Variants in EPHA8 observed in about 807,000 individuals in gnomAD.
The protein encoded by EPHA8 is ephrin type-A receptor 8.
A neutral mutation model predicts 103.6 loss-of-function variants in EPHA8; 58 were observed. The ratio of observed to expected loss-of-function variants is 0.56; its 90% CI spans 0.45 to 0.70. The LOEUF (loss-of-function observed/expected upper bound fraction) is 0.70, where lower values mean the gene tolerates loss of function less well. EPHA8 is among the 30% of genes least tolerant of loss of function. EPHA8 has a pLI of 0.00. For missense variants in EPHA8, 1,304 were observed against 1,395.2 expected, an observed-to-expected ratio of 0.93 and a Z score of 1.04; for synonymous variants, 559 against 572.5, an observed-to-expected ratio of 0.98 and a Z score of 0.34.
In EPHA8 at chr1:22,589,934, G is replaced by A. The variant is rs539295364; in HGVS notation, c.1315+728G>A. Among the ~76,000 whole-genome samples, 6 of 152,164 alleles carry A rather than the reference G, an allele frequency of 3.9e-5. No individual in the cohort carries two copies. Among genetic ancestry groups the A allele is most frequent in the South Asian group, 2.1e-4 (1 of 4,816 alleles). On this transcript the variant is annotated intron_variant, in intron 5 of 16. Coordinates refer to ENST00000166244, the MANE Select transcript of EPHA8 (RefSeq NM_020526.5). This position sits in a 1 kb window ranked among gnomAD's most constrained non-coding sequence, Gnocchi z 4.3. ...GCCTCGCAGACAATATGCCCACCAC[G>A]TCACAGAGGAAGAAACTGAGGCCTG...
chr1:22,589,379 G>A lies in EPHA8; in HGVS notation c.1315+173G>A. On this transcript the variant is annotated intron_variant, in intron 5 of 16. Coordinates refer to ENST00000166244, the MANE Select transcript of EPHA8 (RefSeq NM_020526.5). This position sits in a 1 kb window ranked among gnomAD's most constrained non-coding sequence, Gnocchi z 4.3. ...AGCTGGAGGCTCTTCATTGCCTTTAGAAAAGTGGAACACATTCTATAAGTA... is the reference window on the plus strand; with the variant it reads ...AGCTGGAGGCTCTTCATTGCCTTTAAAAAAGTGGAACACATTCTATAAGTA... 1 of 1,544,144 alleles carries A rather than the reference G, an allele frequency of 6.5e-7. No homozygotes were observed. The highest frequency in any genetic ancestry group is 8.7e-7 in the Non-Finnish European group (1 of 1,150,352).
At chr1:22,577,808 G>C (rs1440872209) in intron 3 of EPHA8, among the ~76,000 whole-genome samples, 1 of 147,554 alleles carries the variant, frequency 6.8e-6, no homozygotes, top group African/African-American at 2.5e-5. Flanking sequence ...GTAAGTGTAT[G>C]TGTGCATGTG....
intron 3 of EPHA8, among the ~76,000 whole-genome samples, chr1:22,578,505 C>T (rs1377885459): frequency 1.6e-5 from 2 of 122,434 alleles, no homozygotes; most frequent in Non-Finnish European, 3.4e-5. Flanking sequence ...TGCATGAGTG[C>T]ATTAGTGTAT....
chr1:22,600,849 C>A (rs773354403), intron 14 of EPHA8, 39 bp downstream of exon 14: 23 of 1,588,540 alleles, frequency 1.4e-5, no homozygotes, highest in Non-Finnish European at 2.0e-5. Context: ...GGCGGTGGAG[C>A]CTCAGGGTGC....
chr1:22,586,401 T>C, intron 3 of EPHA8, 79 bp from the exon 4 acceptor site: 1 of 1,524,406 alleles, frequency 6.6e-7, no homozygotes, highest in Non-Finnish European at 8.9e-7. Flanking sequence ...CAGGAAGCTG[T>C]GGGCCACAGT....
At position 22,570,229 on chromosome 1, in the gene EPHA8, T is replaced by C. The variant is rs145891731; in HGVS notation, c.159+876T>C. 1.1e-3 allele frequency among the ~76,000 whole-genome samples: 163 copies of C among 152,270 alleles called. 3 individuals carry two copies. In the East Asian group the frequency reaches 0.026, roughly 24 times the overall value. On this transcript the variant is annotated intron_variant, in intron 2 of 16. Transcript: ENST00000166244. ...TCACATGAACTTCCTCTCACCAGCG[T>C]GCTCAGAAACACACACATGCACACA... is the stretch of plus-strand genomic sequence containing the variant.
chr1:22,597,911 G>C lies in EPHA8; in HGVS notation c.2116+50G>C, dbSNP rs766484916. The stretch of plus-strand genomic sequence containing the variant: ...CCCCCTGCAGTGCCCCTCCTGCCTG[G>C]AGAGGCCTCTGGGTCCATCCCCTCA... On this transcript the variant is annotated intron_variant, in intron 11 of 16. Coordinates refer to ENST00000166244, the MANE Select transcript of EPHA8 (RefSeq NM_020526.5). This position sits in a 1 kb window ranked among gnomAD's most constrained non-coding sequence, Gnocchi z 4.6. 135 of 1,579,484 alleles carry C rather than the reference G, an allele frequency of 8.5e-5. No homozygotes were observed. Among genetic ancestry groups the C allele is most frequent in the Non-Finnish European group, 1.1e-4 (133 of 1,161,116 alleles).
At position 22,588,911 on chromosome 1, in the gene EPHA8, T is replaced by C; in HGVS notation, c.1020T>C (p.Asn340=). The change falls in exon 5 of 17, where the codon AAT becomes AAC. Residue 340 remains asparagine, a synonymous_variant. Transcript: ENST00000166244. The stretch of plus-strand genomic sequence containing the variant: ...CAGTGAACCTGATCTCCAGTGTGAA[T>C]GGGACATCAGTGACTCTGGAGTGGG... The part of the protein sequence containing the change: ...SAPVNLISSV[N]GTSVTLEWAP... The C allele has an allele frequency of 6.2e-7, 1 of 1,605,920 alleles. No homozygotes were observed. The highest frequency in any genetic ancestry group is 8.5e-7 in the Non-Finnish European group (1 of 1,178,160).
rs761932406 is a variant in EPHA8, at chr1:22,593,445, G to A, written c.1435G>A (p.Glu479Lys). Reference protein sequence around the residue: ...IILEYEIKYYEKDKEMQSYST... With the variant: ...IILEYEIKYYKKDKEMQSYST... ...CCTGGAGTATGAGATCAAGTACTACGAGAAGGTACCACGGGCAGGACGGAG... is the reference window on the plus strand; with the variant it reads ...CCTGGAGTATGAGATCAAGTACTACAAGAAGGTACCACGGGCAGGACGGAG... The change falls in exon 6 of 17, where the codon GAG (glutamate) becomes AAG (lysine). Residue 479 changes from glutamate (E) to lysine (K), a missense_variant. Coordinates refer to ENST00000166244, the MANE Select transcript of EPHA8 (RefSeq NM_020526.5). 3.7e-6 allele frequency: 6 copies of A among 1,611,016 alleles called. No homozygotes were observed. The East Asian group carries it at 6.7e-5, about 18-fold the overall frequency.
rs7550674 is a variant in EPHA8, at chr1:22,577,299, G to A, written c.823+419G>A. ...TCCTGGCCACTACACTATGACGTAG[G>A]AACTACTGTTATCCTGGTTTTATAG... On this transcript the variant is annotated intron_variant, in intron 3 of 16. Coordinates refer to ENST00000166244, the MANE Select transcript of EPHA8 (RefSeq NM_020526.5). Among the ~76,000 whole-genome samples, 1,175 of 152,278 alleles carry A rather than the reference G, an allele frequency of 7.7e-3. 11 individuals carry two copies. Among genetic ancestry groups the A allele is most frequent in the African/African-American group, 0.026 (1,081 of 41,550 alleles).
chr1:22,576,997 C>T lies in EPHA8; in HGVS notation c.823+117C>T. 1.7e-6 allele frequency: 2 copies of T among 1,204,432 alleles called. No homozygotes were observed. Among genetic ancestry groups the T allele is most frequent in the Non-Finnish European group, 2.3e-6 (2 of 888,582 alleles). 74.6% of individuals were successfully genotyped at this position (1,204,432 alleles called of 1,614,324 possible). On this transcript the variant is annotated intron_variant, in intron 3 of 16. Coordinates refer to ENST00000166244, the MANE Select transcript of EPHA8 (RefSeq NM_020526.5). This position sits in a 1 kb window ranked among gnomAD's most constrained non-coding sequence, Gnocchi z 4.8. ...ACAGGCACCTGAGTGACCCACACAG[C>T]CCCTGGGAAGATGGATAAACCTCCA...
At position 22,600,962 on chromosome 1, in the gene EPHA8, A is replaced by T; in HGVS notation, c.2603A>T (p.His868Leu). 1.9e-6 allele frequency: 3 copies of T among 1,612,984 alleles called. No homozygotes were observed. Among genetic ancestry groups the T allele is most frequent in the Non-Finnish European group, 1.7e-6 (2 of 1,179,820 alleles). ...CCCATGGGCTGCCCCCACGCCCTGCACCAGCTCATGCTCGACTGTTGGCAC... is the reference window on the plus strand; with the variant it reads ...CCCATGGGCTGCCCCCACGCCCTGCTCCAGCTCATGCTCGACTGTTGGCAC... ...PAPMGCPHALHQLMLDCWHKD... is the reference protein window; with the variant it reads ...PAPMGCPHALLQLMLDCWHKD... Residue 868 changes from histidine to leucine, a missense_variant, in exon 15 of 17, where the codon CAC becomes CTC. Physicochemically the swap from His to Leu is moderately conservative, Grantham distance 99 (BLOSUM62 -3). Coordinates refer to ENST00000166244, the MANE Select transcript of EPHA8 (RefSeq NM_020526.5).
chr1:22,593,319 G>A lies in EPHA8; in HGVS notation c.1316-7G>A, dbSNP rs372569890. ...CTCCGCCCATCTGACGGGATTGGCC[G>A]CCCCAGCCCCGTCCCAGGTGGTGGT... On this transcript the variant is annotated splice_polypyrimidine_tract_variant and splice_region_variant and intron_variant, in intron 5 of 16. Coordinates refer to ENST00000166244, the MANE Select transcript of EPHA8 (RefSeq NM_020526.5). 49 of 1,555,814 alleles carry A rather than the reference G, an allele frequency of 3.1e-5. No homozygotes were observed. The highest frequency in any genetic ancestry group is 3.9e-5 in the Non-Finnish European group (45 of 1,147,966).
intron 3 of EPHA8, among the ~76,000 whole-genome samples, chr1:22,579,835 G>C (rs1640990606): frequency 6.6e-6 from 1 of 152,200 alleles, no homozygotes; most frequent in Non-Finnish European, 1.5e-5. Flanking sequence ...CAGCTGCTGG[G>C]AATATGCTTC....
At chr1:22,580,871 T>C (rs1641025392) in intron 3 of EPHA8, among the ~76,000 whole-genome samples, 1 of 152,216 alleles carries the variant, frequency 6.6e-6, no homozygotes, top group South Asian at 2.1e-4. Context: ...TACAGGCTTT[T>C]AGCGTCTCCC....
chr1:22,578,606 C>T (rs1458323397), intron 3 of EPHA8, among the ~76,000 whole-genome samples: 2 of 142,678 alleles, frequency 1.4e-5, no homozygotes, highest in Admixed American at 1.4e-4. Context: ...TGCATGTGTG[C>T]ATGAGTGTAT....
Position 22,597,862 on chromosome 1 carries a change from G to A in EPHA8, c.2116+1G>A. On this transcript the variant is annotated splice_donor_variant, in intron 11 of 16. Transcript: ENST00000166244. LOFTEE classifies it high-confidence loss of function. This position sits in a 1 kb window ranked among gnomAD's most constrained non-coding sequence, Gnocchi z 4.6. ...CGCCTCGAGGGTGTCGTCACCCGTG[G>A]TAGGTGCCGGGCAAAGACAGCCTCC... The A allele has an allele frequency of 6.2e-7, 1 of 1,605,308 alleles. No homozygotes were observed. Among genetic ancestry groups the A allele is most frequent in the African/African-American group, 1.3e-5 (1 of 74,974 alleles).
At chr1:22,579,046 C>T (rs1355828606) in intron 3 of EPHA8, among the ~76,000 whole-genome samples, 4 of 131,268 alleles carry the variant, frequency 3.0e-5, no homozygotes, top group Non-Finnish European at 6.5e-5. Flanking sequence ...CATGTGTGTG[C>T]ATTTGTGCAT....
At chr1:22,582,725 C>T (rs1287030274) in intron 3 of EPHA8, among the ~76,000 whole-genome samples, 3 of 152,182 alleles carry the variant, frequency 2.0e-5, no homozygotes, top group African/African-American at 7.2e-5. Flanking sequence ...CTCCCCACAC[C>T]AGACTGCACT....
Sources: allele counts gnomAD v4.1 joint callset (sites outside exome capture counted in the v4.1 genomes callset), GRCh38; gene constraint gnomAD v4.1.1; non-coding constraint Gnocchi (gnomAD v3.1); transcripts MANE v1.5; gene names NCBI Gene and HGNC (gene_info 2026-07-23, HGNC 2026-07-21).